Variants in MACC1 observed in about 807,000 individuals in gnomAD.
MACC1 encodes the protein MET transcriptional regulator MACC1.
MACC1 carries 79 observed loss-of-function variants against 70.7 expected under a neutral mutation model. The ratio of observed to expected loss-of-function variants is 1.12; its 90% confidence interval spans 0.93 to 1.35. The LOEUF (loss-of-function observed/expected upper bound fraction) is 1.35, where lower values mean the gene tolerates loss of function less well. MACC1 is among the 40% of genes most tolerant of loss of function. MACC1 has a pLI of 0.00. For synonymous variants in MACC1, 361 were observed against 347.2 expected (o/e 1.04, Z -0.44); for missense variants, 1,106 against 978.1 (o/e 1.13, Z -1.74).
At chr7:20,213,100 G>C (rs1166331723) in intron 1 of MACC1, among the ~76,000 whole-genome samples, 1 of 152,122 alleles carries the variant, frequency 6.6e-6, no homozygotes, top group African/African-American at 2.4e-5. Context: ...ATGCAAAGAT[G>C]GTGGCCCACC....
intron 2 of MACC1, among the ~76,000 whole-genome samples, chr7:20,166,794 A>G (rs1309139217): frequency 1.3e-5 from 2 of 152,204 alleles, no homozygotes; most frequent in East Asian, 1.9e-4. Context: ...CAAGATGTCT[A>G]TCACTTCTTT....
intron 6 of MACC1, among the ~76,000 whole-genome samples, chr7:20,148,373 C>A (rs987771326): frequency 1.3e-5 from 2 of 152,054 alleles, no homozygotes; most frequent in African/African-American, 4.8e-5. Context: ...TAAAGTATTG[C>A]CACAACTTTA....
rs376265813 is a variant in MACC1, at chr7:20,158,421, G to A, written c.1940C>T (p.Thr647Ile). Residue 647 changes from threonine (T) to isoleucine (I), a missense_variant, in exon 5 of 7, where the codon ACT (threonine) becomes ATT (isoleucine). Physicochemically the swap from Thr to Ile is moderately conservative, Grantham distance 89. Coordinates refer to ENST00000400331, the MANE Select transcript of MACC1 (RefSeq NM_182762.4). ...GGTTAATACAACTGAGTAGATATAA[G>A]TCAATTTTTTTAAAGGCAGGACAAT... ...EQIVLPLKKLTYIYSVVLTLV... is the reference protein window; with the variant it reads ...EQIVLPLKKLIYIYSVVLTLV... The A allele has an allele frequency of 9.3e-6, 15 of 1,613,740 alleles. No homozygotes were observed. In the African/African-American group the frequency reaches 1.7e-4, roughly 19 times the overall value.
At chr7:20,203,206 T>C (rs144061181) in intron 1 of MACC1, among the ~76,000 whole-genome samples, 101 of 152,258 alleles carry the variant, frequency 6.6e-4, no homozygotes, top group African/African-American at 2.4e-3. Flanking sequence ...AGCACCAATC[T>C]CCTAGGGCAA....
chr7:20,144,705 A>G (rs1781861372), intron 6 of MACC1, among the ~76,000 whole-genome samples: 2 of 152,150 alleles, frequency 1.3e-5, no homozygotes, highest in Non-Finnish European at 2.9e-5. Flanking sequence ...GGTATCTGAT[A>G]AAAAATTACA....
At chr7:20,214,747 A>G (rs1161833239) in intron 1 of MACC1, among the ~76,000 whole-genome samples, 1 of 152,176 alleles carries the variant, frequency 6.6e-6, no homozygotes, top group Non-Finnish European at 1.5e-5. Context: ...TTTCTGAAGA[A>G]TTGAAACTAA....
At chr7:20,212,340 T>C (rs1468966107) in intron 1 of MACC1, among the ~76,000 whole-genome samples, 1 of 152,196 alleles carries the variant, frequency 6.6e-6, no homozygotes, top group Non-Finnish European at 1.5e-5. Context: ...CTGATGTCTG[T>C]TCTGGCTGGA....
intron 2 of MACC1, among the ~76,000 whole-genome samples, chr7:20,164,824 A>G (rs1374059804): frequency 6.6e-6 from 1 of 152,220 alleles, no homozygotes; most frequent in Non-Finnish European, 1.5e-5. Context: ...ACAAATGTCT[A>G]AATGGAAAAC....
At chr7:20,173,861 G>A (rs1782350645) in intron 1 of MACC1, among the ~76,000 whole-genome samples, 1 of 152,152 alleles carries the variant, frequency 6.6e-6, no homozygotes, top group Admixed American at 6.6e-5. Context: ...CTGAAAGTGA[G>A]GCTAAAGGAA....
chr7:20,146,918 G>C (rs1781900302), intron 6 of MACC1, among the ~76,000 whole-genome samples: 1 of 152,088 alleles, frequency 6.6e-6, no homozygotes. Flanking sequence ...TTTCATTCTT[G>C]AATAGGAAGC....
intron 6 of MACC1, chr7:20,153,417 A>C (rs1264781526): frequency 1.3e-5 from 2 of 152,202 alleles, no homozygotes; most frequent in African/African-American, 4.8e-5. Context: ...ATTTCCTTAA[A>C]CATAAATATC....
intron 5 of MACC1, 70 bp from the exon 6 acceptor site, chr7:20,154,451 T>C: frequency 1.4e-6 from 2 of 1,442,344 alleles, no homozygotes; most frequent in Non-Finnish European, 9.3e-7. Context: ...AATTGGAATT[T>C]TTATTACATA....
chr7:20,157,261 ATTTT>A (rs1029995404), intron 5 of MACC1, among the ~76,000 whole-genome samples: 2 of 151,874 alleles, frequency 1.3e-5, no homozygotes, highest in East Asian at 1.9e-4. Flanking sequence ...TATGATCTTG[ATTTT>A]TTTTATTTTT....
chr7:20,209,702 A>G (rs1341414098), intron 1 of MACC1, among the ~76,000 whole-genome samples: 1 of 152,174 alleles, frequency 6.6e-6, no homozygotes, highest in Non-Finnish European at 1.5e-5. Context: ...TTGGAAAGGC[A>G]TGATTGTGTT....
At chr7:20,210,940 A>AGAAT (rs1315945396) in intron 1 of MACC1, among the ~76,000 whole-genome samples, 2 of 152,194 alleles carry the variant, frequency 1.3e-5, no homozygotes, top group Non-Finnish European at 2.9e-5. Flanking sequence ...GTCACCTGTA[A>AGAAT]GAATCATTTC....
At chr7:20,178,820 G>C (rs993333740) in intron 1 of MACC1, among the ~76,000 whole-genome samples, 1 of 152,044 alleles carries the variant, frequency 6.6e-6, no homozygotes, top group East Asian at 1.9e-4. Flanking sequence ...GGTTGGTCTC[G>C]AACTCCTGAC....
intron 1 of MACC1, among the ~76,000 whole-genome samples, chr7:20,189,665 C>T (rs971489566): frequency 6.6e-6 from 1 of 151,958 alleles, no homozygotes; most frequent in Non-Finnish European, 1.5e-5. Flanking sequence ...ATTCCACCAT[C>T]TCTTAGTTCT....
At chr7:20,157,170 T>C (rs1198400367) in intron 5 of MACC1, among the ~76,000 whole-genome samples, 2 of 152,020 alleles carry the variant, frequency 1.3e-5, no homozygotes, top group African/African-American at 4.8e-5. Context: ...CCCCATAGAG[T>C]TGTTAATGGC....
intron 4 of MACC1, 57 bp downstream of exon 4, chr7:20,161,691 G>T: frequency 2.0e-6 from 2 of 990,800 alleles, no homozygotes; most frequent in South Asian, 1.4e-5. Context: ...AACAATTATT[G>T]GTGATGAATT....
Sources: gnomAD v4.1 joint callset for allele counts (sites outside exome capture counted in the v4.1 genomes callset) on GRCh38, gnomAD v4.1.1 for gene constraint, MANE v1.5 for transcripts, NCBI Gene and HGNC (gene_info 2026-07-23, HGNC 2026-07-21) for gene names.